TBX15: variants seen among roughly 807,000 people sequenced by gnomAD.
TBX15 encodes the protein T-box transcription factor 15, also known as T-box transcription factor TBX15.
A neutral mutation model predicts 53.9 loss-of-function variants in TBX15; 18 were observed. The observed-to-expected ratio is 0.33, with a 90% CI of 0.23 to 0.49. The LOEUF (loss-of-function observed/expected upper bound fraction) is 0.49, where lower values mean the gene tolerates loss of function less well. Among genes scored for constraint, TBX15 ranks in the 20% least tolerant of loss-of-function variants. TBX15 has a pLI of 0.98. For missense variants in TBX15, 692 were observed against 749.5 expected, an observed-to-expected ratio of 0.92 and a Z score of 0.90; for synonymous variants, 295 against 278.0, an observed-to-expected ratio of 1.06 and a Z score of -0.61.
At chr1:118,933,042 C>G (rs563780199) in intron 1 of TBX15, among the ~76,000 whole-genome samples, 1 of 152,232 alleles carries the variant, frequency 6.6e-6, no homozygotes, top group Non-Finnish European at 1.5e-5. Context: ...AGCATCAATC[C>G]TTGACACTAG....
At chr1:118,925,405 A>ACCAAATAC (rs1335257898) in intron 3 of TBX15, among the ~76,000 whole-genome samples, 1 of 152,148 alleles carries the variant, frequency 6.6e-6, no homozygotes, top group African/African-American at 2.4e-5. Flanking sequence ...CTCTGCAACC[A>ACCAAATAC]TTTCAGAAGC....
chr1:118,898,365 G>A (rs1654501827), intron 7 of TBX15, among the ~76,000 whole-genome samples: 1 of 152,130 alleles, frequency 6.6e-6, no homozygotes, highest in Admixed American at 6.6e-5. Context: ...CTACAGACAA[G>A]ACTGAGAAAA....
chr1:118,898,986 C>T (rs1218185323), intron 7 of TBX15, 42 bp downstream of exon 7: 2 of 1,596,004 alleles, frequency 1.3e-6, no homozygotes, highest in South Asian at 1.1e-5. Context: ...CACTCTGTCC[C>T]TGGCCCTATC....
intron 7 of TBX15, among the ~76,000 whole-genome samples, chr1:118,893,305 GGAAGGAAGGAAAGAAAGAAAGAAGAAA>G (rs1557872359): frequency 1.3e-4 from 15 of 111,936 alleles, no homozygotes; most frequent in African/African-American, 3.6e-4. Flanking sequence ...AAGGAAGGAA[GGAAGGAAGGAAAGAAAGAAAGAAGAAA>G]GAAGGAAGGA....
chr1:118,989,109 C>T (rs1657952495), upstream of TBX15, among the ~76,000 whole-genome samples: 1 of 152,200 alleles, frequency 6.6e-6, no homozygotes, highest in South Asian at 2.1e-4. Flanking sequence ...TCGCCTGTTC[C>T]GGGCTCTTGT....
chr1:118,988,928 C>T (rs1360885977), upstream of TBX15, among the ~76,000 whole-genome samples: 1 of 152,220 alleles, frequency 6.6e-6, no homozygotes, highest in Non-Finnish European at 1.5e-5. Context: ...ATTCAAAGAC[C>T]GCTTCCTCCT....
Position 118,975,491 on chromosome 1 carries a change from C to G in TBX15, c.205+12100G>C, listed in dbSNP as rs76781257. Among the ~76,000 whole-genome samples the G allele has an allele frequency of 6.7e-3, 1,026 of 152,344 alleles. 8 individuals are homozygous for G. The highest frequency in any genetic ancestry group is 0.023 in the African/African-American group (974 of 41,572). ...CATTCTCCCTAGAGCTCTTAAGCAT[C>G]ATCTACAGGGCAGGCAATATAATCT... On this transcript the variant is annotated intron_variant, in intron 1 of 7. Transcript: ENST00000369429.
At chr1:118,956,330 G>A (rs1656689028) in intron 1 of TBX15, among the ~76,000 whole-genome samples, 2 of 152,036 alleles carry the variant, frequency 1.3e-5, no homozygotes, top group Non-Finnish European at 2.9e-5. Context: ...AATACCAACT[G>A]GGTTAAATAA....
At chr1:118,924,242 C>A (rs1389278580) in intron 4 of TBX15, among the ~76,000 whole-genome samples, 1 of 152,174 alleles carries the variant, frequency 6.6e-6, no homozygotes, top group Non-Finnish European at 1.5e-5. Context: ...ATTTAGTCTT[C>A]CCTATAAAAA....
At position 118,987,938 on chromosome 1, in the gene TBX15, C is replaced by T; in HGVS notation, c.-143G>A. On this transcript the variant is annotated 5_prime_UTR_variant, in exon 1 of 8. Coordinates refer to ENST00000369429, the MANE Select transcript of TBX15 (RefSeq NM_001330677.2). ...GGCTGAGACTGCGGCTCGCGGGTCTCTCCACCCTCCCCCTGCGTCCTCCTC... is the reference window on the plus strand; with the variant it reads ...GGCTGAGACTGCGGCTCGCGGGTCTTTCCACCCTCCCCCTGCGTCCTCCTC... 1.0e-6 allele frequency: 1 copy of T among 997,776 alleles called. No homozygotes were observed. 61.8% of individuals were successfully genotyped at this position (997,776 alleles called of 1,614,324 possible). A position where few individuals can be genotyped will look rare whatever the true frequency, so the allele number is the denominator to read the frequency against.
chr1:118,980,391 C>T lies in TBX15; in HGVS notation c.205+7200G>A, dbSNP rs1351968889. Among the ~76,000 whole-genome samples, 5 of 152,094 alleles carry T rather than the reference C, an allele frequency of 3.3e-5. No individual in the cohort carries two copies. The East Asian group carries it at 7.7e-4, about 23-fold the overall frequency. On this transcript the variant is annotated intron_variant, in intron 1 of 7. Coordinates refer to ENST00000369429, the MANE Select transcript of TBX15 (RefSeq NM_001330677.2). ...AATGACCTCTCTAATGTTCCCTTTC[C>T]AAGGGAACTCTACTCGTCATCTGTA... is the stretch of plus-strand genomic sequence containing the variant.
In TBX15 at chr1:118,885,322, T is replaced by C; in HGVS notation, c.1219A>G (p.Met407Val). 1 of 1,614,098 alleles carries C rather than the reference T, an allele frequency of 6.2e-7. No homozygotes were observed. Among genetic ancestry groups the C allele is most frequent in the Non-Finnish European group, 8.5e-7 (1 of 1,180,046 alleles). The change falls in exon 8 of 8, where the codon ATG (methionine) becomes GTG (valine). Residue 407 changes from methionine (M) to valine (V), a missense_variant. Around this residue, in one of 3 missense-constraint regions of TBX15, gnomAD observed 375 missense variants for 371.6 expected, o/e 1.01. Coordinates refer to ENST00000369429, the MANE Select transcript of TBX15 (RefSeq NM_001330677.2). ...SDYPPCARSN[M>V]AALQSYPGLS... ...CCTGGGTAGCTCTGCAAGGCAGCCA[T>C]GTTGCTTCGGGCACATGGTGGATAA...
rs1349450897 is a variant in TBX15 at position 118,888,548 on chromosome 1, T to A, written c.1025-3032A>T. ...TTCCTCTTTGAGGCATCCTACACAT[T>A]TTCCTTATTTTCCACTCCAAATGCT... is the stretch of plus-strand genomic sequence containing the variant. On this transcript the variant is annotated intron_variant, in intron 7 of 7. Transcript: ENST00000369429. 2.0e-5 allele frequency among the ~76,000 whole-genome samples: 3 copies of A among 152,240 alleles called. No individual in the cohort carries two copies. In the East Asian group the frequency reaches 5.8e-4, roughly 29 times the overall value.
chr1:118,987,413 A>C (rs1042047231), intron 1 of TBX15, among the ~76,000 whole-genome samples, 178 bp downstream of exon 1: 1 of 152,184 alleles, frequency 6.6e-6, no homozygotes, highest in Admixed American at 6.5e-5. Context: ...GTCCAGCCCC[A>C]AAAATTGGTT....
At chr1:118,929,226 C>A (rs1655701907) in intron 2 of TBX15, among the ~76,000 whole-genome samples, 1 of 152,048 alleles carries the variant, frequency 6.6e-6, no homozygotes, top group South Asian at 2.1e-4. Context: ...AGCTCTGAAT[C>A]AATAGGATCA....
Position 118,919,376 on chromosome 1 carries a change from G to T in TBX15, c.861+4060C>A, listed in dbSNP as rs117161307. ...ATTTTATTCTCTTTGAAGAGATTCT[G>T]GGCATGCTACACCTTTCTCTCTGCC... On this transcript the variant is annotated intron_variant, in intron 5 of 7. Transcript: ENST00000369429. Among the ~76,000 whole-genome samples, 29 of 152,226 alleles carry T rather than the reference G, an allele frequency of 1.9e-4. 3 individuals are homozygous for T. The East Asian group carries it at 5.6e-3, about 29-fold the overall frequency.
rs371887483 is a variant in TBX15, at chr1:118,887,565, C to T, written c.1025-2049G>A. Reference sequence around the variant, plus strand: ...TGGTGGGCGCCTGTAATACCAGCTACTTGGGAGGCTGAGGCAGGAGAATCT... The same window carrying T: ...TGGTGGGCGCCTGTAATACCAGCTATTTGGGAGGCTGAGGCAGGAGAATCT... On this transcript the variant is annotated intron_variant, in intron 7 of 7. Coordinates refer to ENST00000369429, the MANE Select transcript of TBX15 (RefSeq NM_001330677.2). Among the ~76,000 whole-genome samples the T allele has an allele frequency of 3.8e-4, 57 of 151,862 alleles. 1 individual carries two copies. The East Asian group carries it at 9.3e-3, about 25-fold the overall frequency.
At chr1:118,898,604 T>C (rs1231151609) in intron 7 of TBX15, among the ~76,000 whole-genome samples, 2 of 152,128 alleles carry the variant, frequency 1.3e-5, no homozygotes, top group Non-Finnish European at 2.9e-5. Flanking sequence ...GGAGACCTGA[T>C]ACAATTTATT....
chr1:118,920,435 G>C (rs1433487418), intron 5 of TBX15, among the ~76,000 whole-genome samples: 1 of 152,126 alleles, frequency 6.6e-6, no homozygotes, highest in East Asian at 1.9e-4. Context: ...ACATACAAAG[G>C]CAAGGATGCT....
Sources: gnomAD v4.1 joint callset for allele counts (sites outside exome capture counted in the v4.1 genomes callset) on GRCh38, gnomAD v4.1.1 for gene constraint, gnomAD v4.1.1 regional missense constraint, MANE v1.5 for transcripts, NCBI Gene and HGNC (gene_info 2026-07-23, HGNC 2026-07-21) for gene names.